The following MSRA variants were observed in gnomAD, a reference collection of about 807,000 sequenced individuals.
MSRA encodes mitochondrial peptide methionine sulfoxide reductase.
A neutral mutation model predicts 31.3 loss-of-function variants in MSRA; 54 were observed. The observed-to-expected ratio is 1.73, with a 90% CI of 1.39 to 2.17. MSRA has a LOEUF of 2.17. Ranked by LOEUF, MSRA falls within the 30% of genes most tolerant of loss-of-function variation. The probability of loss-of-function intolerance (pLI) is 0.00; values close to 1 mark genes in which losing one functional copy is unlikely to be tolerated. For synonymous variants in MSRA, 169 were observed against 116.5 expected (o/e 1.45, Z -2.90); for missense variants, 507 against 300.9 (o/e 1.69, Z -5.07).
At chr8:10,182,455 C>T (rs1806628698) in intron 1 of MSRA, among the ~76,000 whole-genome samples, 1 of 152,156 alleles carries the variant, frequency 6.6e-6, no homozygotes, top group Non-Finnish European at 1.5e-5. Context: ...ACAAGGCTAC[C>T]CTCAAGATGT....
intron 1 of MSRA, among the ~76,000 whole-genome samples, chr8:10,135,934 G>C (rs1256000192): frequency 2.0e-5 from 3 of 152,190 alleles, no homozygotes; most frequent in Non-Finnish European, 4.4e-5. Flanking sequence ...CAGAACTGAA[G>C]ATCCAGAAGG....
intron 3 of MSRA, among the ~76,000 whole-genome samples, chr8:10,294,382 C>G (rs1800415080): frequency 6.6e-6 from 1 of 152,162 alleles, no homozygotes; most frequent in Non-Finnish European, 1.5e-5. Flanking sequence ...CCAGACTGCT[C>G]AAATGCCTCC....
chr8:10,352,531 C>A (rs1804217673), intron 5 of MSRA, among the ~76,000 whole-genome samples: 1 of 151,900 alleles, frequency 6.6e-6, no homozygotes. Flanking sequence ...ATCCGAGGAG[C>A]CAGCTTATCA....
chr8:10,184,726 A>G (rs1806867535), intron 1 of MSRA, among the ~76,000 whole-genome samples: 1 of 152,110 alleles, frequency 6.6e-6, no homozygotes, highest in South Asian at 2.1e-4. Flanking sequence ...GGCATGACCT[A>G]AATTTGGTGG....
At chr8:10,390,341 G>C (rs909343362) in intron 5 of MSRA, among the ~76,000 whole-genome samples, 4 of 152,058 alleles carry the variant, frequency 2.6e-5, no homozygotes. Context: ...GGTAATGAGT[G>C]CATCCAGGAC....
At chr8:10,189,807 T>A (rs1020317516) in intron 1 of MSRA, among the ~76,000 whole-genome samples, 2 of 152,200 alleles carry the variant, frequency 1.3e-5, no homozygotes, top group Admixed American at 1.3e-4. Flanking sequence ...CTTTGTCTGG[T>A]TTTGGCATCA....
chr8:10,058,497 T>A (rs1029328199), intron 1 of MSRA, among the ~76,000 whole-genome samples: 4 of 152,212 alleles, frequency 2.6e-5, no homozygotes, highest in African/African-American at 7.2e-5. Flanking sequence ...TTTAAGCAGG[T>A]TGATTTTTAT....
intron 1 of MSRA, among the ~76,000 whole-genome samples, chr8:10,109,832 G>A (rs1215524058): frequency 6.6e-6 from 1 of 152,154 alleles, no homozygotes; most frequent in African/African-American, 2.4e-5. Context: ...AACTGTTCAG[G>A]ACAGTGATCA....
intron 3 of MSRA, among the ~76,000 whole-genome samples, chr8:10,268,025 C>A (rs6994059): frequency 0.25 from 38,703 of 152,070 alleles, 5,049 homozygotes; most frequent in East Asian, 0.32. Context: ...GGCTTTGCTC[C>A]CTGCTGTGAG....
At chr8:10,416,042 C>T (rs1260029667) in intron 5 of MSRA, among the ~76,000 whole-genome samples, 1 of 152,120 alleles carries the variant, frequency 6.6e-6, no homozygotes, top group Non-Finnish European at 1.5e-5. Flanking sequence ...CCTCGTCACT[C>T]CCTGGGGTGT....
intron 1 of MSRA, among the ~76,000 whole-genome samples, chr8:10,055,687 G>C (rs1029225118): frequency 1.3e-5 from 2 of 152,264 alleles, no homozygotes. Context: ...CTCAATGCCA[G>C]AGAAATTCAG....
chr8:10,109,626 G>T (rs145880964), intron 1 of MSRA, among the ~76,000 whole-genome samples: 1 of 152,146 alleles, frequency 6.6e-6, no homozygotes, highest in Non-Finnish European at 1.5e-5. Context: ...ATAGGTGTAC[G>T]CCACTGTGCC....
At chr8:10,344,435 G>C (rs191887404) in intron 5 of MSRA, among the ~76,000 whole-genome samples, 1 of 151,854 alleles carries the variant, frequency 6.6e-6, no homozygotes, top group African/African-American at 2.4e-5. Flanking sequence ...TTAGACAGGC[G>C]TGGTGGTGGG....
intron 1 of MSRA, among the ~76,000 whole-genome samples, chr8:10,080,003 T>G (rs1373562400): frequency 6.6e-6 from 1 of 152,242 alleles, no homozygotes; most frequent in Non-Finnish European, 1.5e-5. Flanking sequence ...ACTTTCTCTC[T>G]TCCCGTCAAA....
chr8:10,144,691 G>A (rs1325508600), intron 1 of MSRA, among the ~76,000 whole-genome samples: 1 of 147,100 alleles, frequency 6.8e-6, no homozygotes, highest in Admixed American at 6.9e-5. Context: ...AATTAATTCT[G>A]CAGCATCCTG....
At chr8:10,234,267 C>T (rs186035947) in intron 2 of MSRA, among the ~76,000 whole-genome samples, 228 of 152,102 alleles carry the variant, frequency 1.5e-3, no homozygotes, top group African/African-American at 5.3e-3. Flanking sequence ...AAAAAAATAA[C>T]CCTCTGTGTG....
At chr8:10,096,327 G>C (rs992371861) in intron 1 of MSRA, 1 of 1,068,604 alleles carries the variant, frequency 9.4e-7, no homozygotes, top group African/African-American at 1.7e-5. Flanking sequence ...ATGTGAGCTT[G>C]GTCATTATTT....
At chr8:10,302,450 A>G (rs2129126014) in intron 4 of MSRA, among the ~76,000 whole-genome samples, 1 of 152,230 alleles carries the variant, frequency 6.6e-6, no homozygotes, top group South Asian at 2.1e-4. Flanking sequence ...TCACCAAAGT[A>G]TTTTCTCTTT....
At chr8:10,338,052 T>A (rs1803168113) in intron 5 of MSRA, among the ~76,000 whole-genome samples, 1 of 151,936 alleles carries the variant, frequency 6.6e-6, no homozygotes, top group Non-Finnish European at 1.5e-5. Flanking sequence ...GAAAAAAATA[T>A]CCTTAAGTGG....
Sources: allele counts gnomAD v4.1 joint callset (sites outside exome capture counted in the v4.1 genomes callset), GRCh38; gene constraint gnomAD v4.1.1; transcripts MANE v1.5; gene names NCBI Gene and HGNC (gene_info 2026-07-23, HGNC 2026-07-21).